Variants in TUT4 observed in about 807,000 individuals in gnomAD.
The protein encoded by TUT4 is terminal uridylyltransferase 4.
Under a neutral mutation model 192.2 loss-of-function variants are expected in TUT4, and 36 were observed. The observed-to-expected ratio is 0.19, with a 90% CI of 0.14 to 0.25. TUT4 has a LOEUF of 0.25. TUT4 is among the 10% of genes least tolerant of loss of function. The probability of loss-of-function intolerance (pLI) is 1.00; values close to 1 mark genes in which losing one functional copy is unlikely to be tolerated. For synonymous variants in TUT4, 618 were observed against 666.0 expected, an observed-to-expected ratio of 0.93 and a Z score of 1.11; for missense variants, 1,493 against 1,957.2, an observed-to-expected ratio of 0.76 and a Z score of 4.47.
intron 14 of TUT4, among the ~76,000 whole-genome samples, chr1:52,469,324 G>T (rs1665042112): frequency 8.0e-6 from 1 of 125,578 alleles, no homozygotes; most frequent in African/African-American, 3.2e-5. Flanking sequence ...AAGTAAATTT[G>T]AAAATGAGTG....
chr1:52,462,129 T>C (rs1161479854), intron 16 of TUT4: 1 of 165,984 alleles, frequency 6.0e-6, no homozygotes, highest in Admixed American at 6.0e-5. Context: ...AACAATATAC[T>C]GATTAAGTAC....
chr1:52,515,922 A>C lies in TUT4; in HGVS notation c.851T>G (p.Leu284Ter). The change falls in exon 3 of 30, where the codon TTA becomes TGA. Residue 284 changes from leucine (L) to a stop codon, truncating the protein, a stop_gained. Coordinates refer to ENST00000257177, the MANE Select transcript of TUT4 (RefSeq NM_001009881.3). LOFTEE classifies it high-confidence loss of function. ...AAGTCGAAAGATGTGATCTCTTTCT[A>C]AGCGTTCTTCTGCTTGTTTCAACCC... ...RLGLKQAEER[L>*]ERDHIFRLEK... The C allele has an allele frequency of 1.2e-6, 2 of 1,613,756 alleles. No individual in the cohort carries two copies. The highest frequency in any genetic ancestry group is 1.7e-6 in the Non-Finnish European group (2 of 1,179,948).
At chr1:52,469,630 C>T (rs557022341) in intron 14 of TUT4, among the ~76,000 whole-genome samples, 2 of 152,190 alleles carry the variant, frequency 1.3e-5, no homozygotes, top group African/African-American at 4.8e-5. Context: ...GTGGCTCACA[C>T]CTGTAAGCCC....
chr1:52,530,512 G>A (rs1239566951), intron 1 of TUT4, among the ~76,000 whole-genome samples: 2 of 152,062 alleles, frequency 1.3e-5, no homozygotes, highest in Non-Finnish European at 2.9e-5. Flanking sequence ...ATTTGTAAAA[G>A]TACAATTAAG....
intron 11 of TUT4, 57 bp downstream of exon 11, chr1:52,481,366 A>G (rs1668437183): frequency 6.4e-7 from 1 of 1,559,420 alleles, no homozygotes; most frequent in East Asian, 2.2e-5. Flanking sequence ...CTTCAATCGA[A>G]GAATATCACA....
At chr1:52,524,481 GCCACTGCACTC>G (rs1454241081) in intron 2 of TUT4, among the ~76,000 whole-genome samples, 6 of 149,848 alleles carry the variant, frequency 4.0e-5, no homozygotes, top group African/African-American at 1.5e-4. Flanking sequence ...CCAAGATTGC[GCCACTGCACTC>G]CAGCGTGGGT....
At position 52,550,774 on chromosome 1, in the gene TUT4, C is replaced by T. The variant is rs557573567; in HGVS notation, c.-94+2157G>A. Among the ~76,000 whole-genome samples the T allele has an allele frequency of 4.6e-5, 7 of 152,218 alleles. No homozygotes were observed. The East Asian group carries it at 1.4e-3, about 29-fold the overall frequency. ...CTTCCCAAAGTGCTGAGATTACAGG[C>T]GTGAGTGAGCCACCTGGCCAGGCCC... is the stretch of plus-strand genomic sequence containing the variant. On this transcript the variant is annotated intron_variant, in intron 1 of 29. Coordinates refer to ENST00000257177, the MANE Select transcript of TUT4 (RefSeq NM_001009881.3).
At chr1:52,444,920 T>C (rs1271216116) in intron 24 of TUT4, among the ~76,000 whole-genome samples, 2 of 122,444 alleles carry the variant, frequency 1.6e-5, no homozygotes, top group South Asian at 2.4e-4. Context: ...TATATACATG[T>C]ATGTGTATAT....
At chr1:52,523,248 G>A (rs747974723) in intron 2 of TUT4, among the ~76,000 whole-genome samples, 3 of 151,554 alleles carry the variant, frequency 2.0e-5, no homozygotes, top group African/African-American at 7.2e-5. Flanking sequence ...GCACCTCGGC[G>A]TCCCAAAGTG....
At chr1:52,482,022 CA>C in intron 9 of TUT4, 99 bp from the exon 10 acceptor site, 1 of 1,009,396 alleles carries the variant, frequency 9.9e-7, no homozygotes, top group Non-Finnish European at 1.3e-6. Flanking sequence ...GTAAAAAGTT[CA>C]AATGACAATG....
intron 24 of TUT4, among the ~76,000 whole-genome samples, chr1:52,445,355 C>T (rs1369926403): frequency 2.6e-5 from 4 of 152,092 alleles, no homozygotes; most frequent in African/African-American, 4.8e-5. Context: ...AATATTTCTT[C>T]GGTTTTGTCT....
At chr1:52,480,602 G>A (rs1023766615) in intron 11 of TUT4, among the ~76,000 whole-genome samples, 8 of 152,196 alleles carry the variant, frequency 5.3e-5, no homozygotes, top group Admixed American at 2.0e-4. Flanking sequence ...TACAGTGGGA[G>A]AAGTAAGAGC....
intron 13 of TUT4, 69 bp downstream of exon 13, chr1:52,474,763 A>C: frequency 7.6e-7 from 1 of 1,315,094 alleles, no homozygotes. Context: ...TACATTTCTA[A>C]TCTAAAAAAT....
intron 1 of TUT4, among the ~76,000 whole-genome samples, chr1:52,542,929 ATT>A (rs1321193675): frequency 7.9e-5 from 12 of 151,862 alleles, no homozygotes; most frequent in African/African-American, 2.9e-4. Context: ...CTAATTTTGT[ATT>A]TTTAGTAGAG....
At chr1:52,448,916 C>T (rs577471749) in intron 20 of TUT4, among the ~76,000 whole-genome samples, 6 of 152,316 alleles carry the variant, frequency 3.9e-5, no homozygotes, top group South Asian at 2.1e-4. Context: ...AGCCCAACTA[C>T]GTTGGCTGAT....
At position 52,525,624 on chromosome 1, in the gene TUT4, T is replaced by C. The variant is rs751751917; in HGVS notation, c.657A>G (p.Thr219=). Reference sequence around the variant, plus strand: ...TATCATCAGAATCACCAGTATTATCTGTACATGTCTGTTGCTTCTGAGATC... The same window carrying C: ...TATCATCAGAATCACCAGTATTATCCGTACATGTCTGTTGCTTCTGAGATC... The part of the protein sequence containing the change: ...SPRSQKQQTC[T]DNTGDSDDSA... The change falls in exon 2 of 30, where the codon ACA becomes ACG. Residue 219 remains threonine (T), a synonymous_variant. Coordinates refer to ENST00000257177, the MANE Select transcript of TUT4 (RefSeq NM_001009881.3). 2 of 1,614,172 alleles carry C rather than the reference T, an allele frequency of 1.2e-6. No homozygotes were observed. The highest frequency in any genetic ancestry group is 2.2e-5 in the South Asian group (2 of 91,062).
At chr1:52,536,368 A>G (rs1684897363) in intron 1 of TUT4, among the ~76,000 whole-genome samples, 2 of 152,290 alleles carry the variant, frequency 1.3e-5, no homozygotes, top group South Asian at 4.1e-4. Context: ...ATCCACTAAG[A>G]AAGTAACACA....
chr1:52,502,763 C>T (rs1339587532), intron 4 of TUT4, among the ~76,000 whole-genome samples: 2 of 152,180 alleles, frequency 1.3e-5, no homozygotes, highest in African/African-American at 2.4e-5. Context: ...GCTGGGACCA[C>T]AGGCACGTGC....
At chr1:52,446,125 T>C (rs925720938) in intron 22 of TUT4, 121 bp from the exon 23 acceptor site, 14 of 1,302,128 alleles carry the variant, frequency 1.1e-5, no homozygotes, top group Middle Eastern at 2.3e-4. Flanking sequence ...CAGCAAACTC[T>C]TCCTCTAAAA....
Sources: allele counts gnomAD v4.1 joint callset (sites outside exome capture counted in the v4.1 genomes callset), GRCh38; gene constraint gnomAD v4.1.1; transcripts MANE v1.5; gene names NCBI Gene and HGNC (gene_info 2026-07-23, HGNC 2026-07-21).